The following FAT1 variants were observed in gnomAD, a reference collection of about 807,000 sequenced individuals.
FAT1 encodes the protein FAT atypical cadherin 1.
Under a neutral mutation model 329.8 loss-of-function variants are expected in FAT1, and 171 were observed. The observed-to-expected ratio is 0.52, with a 90% CI of 0.46 to 0.59. The LOEUF (loss-of-function observed/expected upper bound fraction) is 0.59, where lower values mean the gene tolerates loss of function less well. Ranked by LOEUF, FAT1 falls within the 20% of genes least tolerant of loss-of-function variation. The pLI, the probability that FAT1 is intolerant of heterozygous loss-of-function variation, is 0.00. For missense variants in FAT1, 5,672 were observed against 5,774.4 expected (o/e 0.98, Z 0.57); for synonymous variants, 2,233 against 2,228.6 (o/e 1.00, Z -0.06).
At chr4:186,652,652 TC>T (rs761407599) in intron 3 of FAT1, among the ~76,000 whole-genome samples, 29 of 152,202 alleles carry the variant, frequency 1.9e-4, no homozygotes, top group Non-Finnish European at 3.5e-4. Context: ...TTAAATGAAT[TC>T]CTGCCATTGA....
chr4:186,644,897 G>C (rs931522630), intron 3 of FAT1, among the ~76,000 whole-genome samples: 2 of 152,224 alleles, frequency 1.3e-5, no homozygotes, highest in African/African-American at 2.4e-5. Flanking sequence ...CACTCAGAAA[G>C]TGGAGATAAG....
Position 186,603,557 on chromosome 4 carries a change from C to T in FAT1, c.10969G>A (p.Gly3657Ser), listed in dbSNP as rs1355167645. The T allele has an allele frequency of 3.7e-6, 6 of 1,613,862 alleles. No homozygotes were observed. The highest frequency in any genetic ancestry group is 5.1e-6 in the Non-Finnish European group (6 of 1,179,900). The change falls in exon 19 of 27, where the codon GGT (glycine) becomes AGT (serine). Residue 3657 changes from glycine (G) to serine (S), a missense_variant. Transcript: ENST00000441802. ...CGCTGGAAGTTGCGCCAGTAGTCAC[C>T]AACGAATTCTTCCGGAGTGAGGTTG... The part of the protein sequence containing the change: ...FANLTPEEFV[G>S]DYWRNFQRAL...
intron 2 of FAT1, among the ~76,000 whole-genome samples, chr4:186,705,932 G>A (rs1744564661): frequency 6.6e-6 from 1 of 152,186 alleles, no homozygotes; most frequent in Non-Finnish European, 1.5e-5. Context: ...GAAAAAGTTA[G>A]TTCTAAGAAG....
intron 2 of FAT1, among the ~76,000 whole-genome samples, chr4:186,679,274 G>A (rs1354769170): frequency 1.1e-4 from 16 of 151,926 alleles, no homozygotes; most frequent in African/African-American, 2.7e-4. Context: ...AAAATTACCC[G>A]GGCGTGGTGG....
intron 2 of FAT1, among the ~76,000 whole-genome samples, chr4:186,684,951 C>T (rs1368616385): frequency 6.6e-6 from 1 of 152,158 alleles, no homozygotes; most frequent in African/African-American, 2.4e-5. Context: ...AGGAAGCAGG[C>T]AAGTCTGATT....
intron 5 of FAT1, 80 bp downstream of exon 5, chr4:186,636,505 A>T: frequency 7.2e-7 from 1 of 1,396,014 alleles, no homozygotes; most frequent in Non-Finnish European, 9.8e-7. Context: ...AAATAGAAAT[A>T]AAGTTACTAA....
chr4:186,663,668 C>CT (rs767527803), intron 2 of FAT1, 55 bp from the exon 3 acceptor site: 392 of 1,414,764 alleles, frequency 2.8e-4, no homozygotes, highest in Admixed American at 1.5e-3. Context: ...AAACTGCCAG[C>CT]TTCAGAAAGT....
chr4:186,589,295 T>A (rs1738126988), intron 26 of FAT1, 75 bp from the exon 27 acceptor site: 1 of 1,466,354 alleles, frequency 6.8e-7, no homozygotes, highest in South Asian at 1.3e-5. Flanking sequence ...GCTCAGTGTA[T>A]CAAAGACACA....
chr4:186,592,884 A>G (rs189080294), intron 26 of FAT1: 5 of 397,466 alleles, frequency 1.3e-5, no homozygotes, highest in African/African-American at 4.1e-5. Context: ...ATACAACCAC[A>G]TAATGATGCG....
intron 9 of FAT1, among the ~76,000 whole-genome samples, chr4:186,627,897 C>T (rs911018087): frequency 5.9e-5 from 9 of 152,106 alleles, no homozygotes; most frequent in Admixed American, 5.9e-4. Context: ...GTTTCCTCTA[C>T]TACGTGGCTT....
At chr4:186,698,558 T>G (rs2126670672) in intron 2 of FAT1, among the ~76,000 whole-genome samples, 1 of 152,246 alleles carries the variant, frequency 6.6e-6, no homozygotes, top group South Asian at 2.1e-4. Flanking sequence ...TCAAGAAAGC[T>G]TTATTAAGTA....
In FAT1 at chr4:186,614,885, C is replaced by A. The variant is rs1363294490; in HGVS notation, c.9076-541G>T. On this transcript the variant is annotated intron_variant, in intron 11 of 26. Coordinates refer to ENST00000441802, the MANE Select transcript of FAT1 (RefSeq NM_005245.4). ...ATGAAGGCTGAGGCCCTTCTACTGC[C>A]CTGCGTGATCCTGGTGCCCTCTCTC... 1.7e-4 allele frequency among the ~76,000 whole-genome samples: 26 copies of A among 152,186 alleles called. 1 individual carries two copies. The highest frequency in any genetic ancestry group is 6.3e-4 in the African/African-American group (26 of 41,468).
chr4:186,713,757 C>T (rs1048110420), intron 1 of FAT1, among the ~76,000 whole-genome samples: 2 of 152,126 alleles, frequency 1.3e-5, no homozygotes, highest in East Asian at 3.9e-4. Context: ...TCCGGGCCCC[C>T]GTCTCAGCCT....
In FAT1 at chr4:186,709,627, C is replaced by T. The variant is rs761403385; in HGVS notation, c.201G>A (p.Ala67=). The T allele has an allele frequency of 1.4e-5, 22 of 1,613,978 alleles. No homozygotes were observed. The highest frequency in any genetic ancestry group is 8.8e-5 in the South Asian group (8 of 91,076). ...VKMGVYITHP[A]WEVRYKIVSG... Reference sequence around the variant, plus strand: ...AAACAATTTTGTACCTTACTTCCCACGCTGGATGTGTAATGTAAACACCCA... The same window carrying T: ...AAACAATTTTGTACCTTACTTCCCATGCTGGATGTGTAATGTAAACACCCA... Residue 67 remains alanine, a synonymous_variant, in exon 2 of 27, where the codon GCG becomes GCA. Transcript: ENST00000441802.
chr4:186,632,851 CTTCT>C (rs1319251897), intron 7 of FAT1, among the ~76,000 whole-genome samples: 1 of 152,154 alleles, frequency 6.6e-6, no homozygotes, highest in African/African-American at 2.4e-5. Flanking sequence ...TGACATTTAA[CTTCT>C]TTCTTTTTCA....
At chr4:186,725,948 C>T (rs573143663), upstream of FAT1, among the ~76,000 whole-genome samples, 16 of 152,340 alleles carry the variant, frequency 1.1e-4, no homozygotes, top group Admixed American at 2.6e-4. The surrounding 1 kb of genome is among the most constrained non-coding windows in gnomAD (Gnocchi z 5.4). Context: ...CGCCGAGCGC[C>T]GGGGAGGTCC....
rs1348717421 is a variant in FAT1 at position 186,636,025 on chromosome 4, C to G, written c.4183G>C (p.Gly1395Arg). ...PGIPLWFDIT[G>R]GNYDSHFDVD... ...AACGAAAATGAGGGGGAATGCTTAC[C>G]AGTGATGTCAAACCAAAGGGGTATG... Residue 1395 changes from glycine to arginine, a missense_variant and splice_region_variant, in exon 6 of 27, where the codon GGT (glycine) becomes CGT (arginine). This residue lies in a region of FAT1 where 3,966 missense variants were observed against 3,915.2 expected (regional missense o/e 1.01). Transcript: ENST00000441802. 1 of 1,613,650 alleles carries G rather than the reference C, an allele frequency of 6.2e-7. No homozygotes were observed. The highest frequency in any genetic ancestry group is 8.5e-7 in the Non-Finnish European group (1 of 1,179,760).
intron 2 of FAT1, among the ~76,000 whole-genome samples, chr4:186,699,976 T>C (rs963594891): frequency 1.3e-5 from 2 of 152,132 alleles, no homozygotes; most frequent in East Asian, 1.9e-4. Context: ...CTCAACAAAT[T>C]ACGAACACCC....
At position 186,628,525 on chromosome 4, in the gene FAT1, T is replaced by C. The variant is rs1740434887; in HGVS notation, c.4562A>G (p.Asp1521Gly). The change falls in exon 8 of 27, where the codon GAT becomes GGT. Residue 1521 changes from aspartate to glycine, a missense_variant. Asp to Gly is a moderately conservative substitution (Grantham distance 94). Around this residue, in one of 2 missense-constraint regions of FAT1, gnomAD observed 3,966 missense variants for 3,915.2 expected, o/e 1.01. Transcript: ENST00000441802. ...GGTGTGCTGGTGAACAGCTTCATGATCCAGTTTCTCAGAAGTATAGAGAGA... is the reference window on the plus strand; with the variant it reads ...GGTGTGCTGGTGAACAGCTTCATGACCCAGTTTCTCAGAAGTATAGAGAGA... The part of the protein sequence containing the change: ...TGSLYTSEKL[D>G]HEAVHQHTLT... The C allele has an allele frequency of 6.2e-7, 1 of 1,613,880 alleles. No individual in the cohort carries two copies. Among genetic ancestry groups the C allele is most frequent in the African/African-American group, 1.3e-5 (1 of 74,910 alleles).
Sources: allele counts gnomAD v4.1 joint callset (sites outside exome capture counted in the v4.1 genomes callset), GRCh38; gene constraint gnomAD v4.1.1; regional missense constraint gnomAD v4.1.1; non-coding constraint Gnocchi (gnomAD v3.1); transcripts MANE v1.5; gene names NCBI Gene and HGNC (gene_info 2026-07-23, HGNC 2026-07-21).